UHRF1: variants seen among roughly 807,000 people sequenced by gnomAD.
The protein encoded by UHRF1 is E3 ubiquitin-protein ligase UHRF1.
UHRF1 carries 9 observed loss-of-function variants against 96.5 expected under a neutral mutation model. That is an observed-to-expected ratio of 0.09 (90% CI 0.06 to 0.16). UHRF1 has a LOEUF of 0.16. UHRF1 is among the 10% of genes least tolerant of loss of function. The pLI, the probability that UHRF1 is intolerant of heterozygous loss-of-function variation, is 1.00. For missense variants in UHRF1, 626 were observed against 1,131.1 expected (o/e 0.55, Z 6.40); for synonymous variants, 455 against 469.9 (o/e 0.97, Z 0.41).
At position 4,929,314 on chromosome 19, in the gene UHRF1, C is replaced by T. The variant is rs2032973044; in HGVS notation, c.246C>T (p.Ser82=). 2 of 1,613,856 alleles carry T rather than the reference C, an allele frequency of 1.2e-6. No homozygotes were observed. Among genetic ancestry groups the T allele is most frequent in the Non-Finnish European group, 8.5e-7 (1 of 1,179,904 alleles). The change falls in exon 3 of 17, where the codon AGC becomes AGT. Residue 82 remains serine (S), a synonymous_variant. Coordinates refer to ENST00000650932, the MANE Select transcript of UHRF1 (RefSeq NM_001048201.3). ...GCCAGAGCCTCGTGCTCCCCCACAGCACCAAGGAGCGGGACTCCGAGCTCT... is the reference window on the plus strand; with the variant it reads ...GCCAGAGCCTCGTGCTCCCCCACAGTACCAAGGAGCGGGACTCCGAGCTCT... ...LVRQSLVLPH[S]TKERDSELSD...
chr19:4,916,457 G>C (rs1429039290), intron 2 of UHRF1, among the ~76,000 whole-genome samples: 1 of 152,150 alleles, frequency 6.6e-6, no homozygotes, highest in Non-Finnish European at 1.5e-5. Context: ...ACCGCAAGAG[G>C]GAAAGTGGCA....
chr19:4,933,957 TTGTGTGTGTGTGTGCGTGTG>T (rs2033138685), intron 5 of UHRF1, among the ~76,000 whole-genome samples: 2 of 97,786 alleles, frequency 2.0e-5, no homozygotes, highest in Non-Finnish European at 4.3e-5. Context: ...CCTTGCCTCT[TTGTGTGTGTGTGTGCGTGTG>T]TGTGTGTGTG....
At chr19:4,904,332 CA>C (rs1402988150) in intron 1 of UHRF1, among the ~76,000 whole-genome samples, 2 of 152,160 alleles carry the variant, frequency 1.3e-5, no homozygotes, top group Non-Finnish European at 1.5e-5. Context: ...GCGTCCGCCA[CA>C]AATGCCTGGC....
At position 4,912,592 on chromosome 19, in the gene UHRF1, T is replaced by C. The variant is rs180962325; in HGVS notation, c.153+1554T>C. On this transcript the variant is annotated intron_variant, in intron 2 of 16. Coordinates refer to ENST00000650932, the MANE Select transcript of UHRF1 (RefSeq NM_001048201.3). ...ATTTCACCATCGGTATTCTGACTTATTAGGTTTATCTTGAAGCGCTCTGTC... is the reference window on the plus strand; with the variant it reads ...ATTTCACCATCGGTATTCTGACTTACTAGGTTTATCTTGAAGCGCTCTGTC... Among the ~76,000 whole-genome samples, 35 of 152,306 alleles carry C rather than the reference T, an allele frequency of 2.3e-4. 1 individual carries two copies. The highest frequency in any genetic ancestry group is 7.2e-4 in the African/African-American group (30 of 41,570).
intron 6 of UHRF1, 48 bp from the exon 7 acceptor site, chr19:4,941,697 T>A (rs1442258056): frequency 2.6e-6 from 4 of 1,565,504 alleles, no homozygotes; most frequent in Non-Finnish European, 3.5e-6. Flanking sequence ...GTCCCGTCTC[T>A]GGCTTGGCCG....
At chr19:4,935,052 C>T (rs2079718223) in intron 5 of UHRF1, among the ~76,000 whole-genome samples, 2 of 152,038 alleles carry the variant, frequency 1.3e-5, no homozygotes, top group Admixed American at 1.3e-4. Flanking sequence ...CTGCTTACTG[C>T]AACCTCCACC....
At chr19:4,907,452 A>G (rs2032087517), upstream of UHRF1, among the ~76,000 whole-genome samples, 1 of 151,878 alleles carries the variant, frequency 6.6e-6, no homozygotes, top group Admixed American at 6.6e-5. Context: ...TATTTTTAGT[A>G]GAGATGGGGT....
chr19:4,950,580 A>T, intron 11 of UHRF1, 31 bp from the exon 12 acceptor site: 1 of 1,602,962 alleles, frequency 6.2e-7, no homozygotes, highest in Non-Finnish European at 8.5e-7. Flanking sequence ...ATCCTCACCT[A>T]TAATGCGTGG....
At chr19:4,949,804 C>T (rs1244233997) in intron 11 of UHRF1, among the ~76,000 whole-genome samples, 2 of 152,116 alleles carry the variant, frequency 1.3e-5, no homozygotes, top group South Asian at 2.1e-4. Context: ...CATTGCATTC[C>T]AGCCTGGGTG....
chr19:4,942,432 C>T (rs1200197402), intron 7 of UHRF1, among the ~76,000 whole-genome samples: 3 of 151,770 alleles, frequency 2.0e-5, no homozygotes, highest in South Asian at 2.1e-4. Context: ...CCTCGTGATC[C>T]GTCCGTTTCG....
intron 2 of UHRF1, among the ~76,000 whole-genome samples, chr19:4,922,451 G>C (rs1159539930): frequency 6.6e-6 from 1 of 151,630 alleles, no homozygotes; most frequent in African/African-American, 2.4e-5. Flanking sequence ...GTTTTCAGTA[G>C]AGATGGGGTT....
chr19:4,946,669 G>T (rs942183284), intron 10 of UHRF1, among the ~76,000 whole-genome samples: 1 of 151,734 alleles, frequency 6.6e-6, no homozygotes, highest in Admixed American at 6.6e-5. Context: ...CTACCTCCTG[G>T]GCTCTAGTGA....
intron 2 of UHRF1, among the ~76,000 whole-genome samples, chr19:4,926,843 T>A (rs1469601274): frequency 6.6e-6 from 1 of 151,304 alleles, no homozygotes; most frequent in Non-Finnish European, 1.5e-5. Context: ...GGTGGGCGGA[T>A]CACGAGGTCA....
chr19:4,923,545 C>T (rs923088558), intron 2 of UHRF1, among the ~76,000 whole-genome samples: 9 of 151,174 alleles, frequency 6.0e-5, no homozygotes, highest in African/African-American at 1.2e-4. Flanking sequence ...GCCCCTCTCC[C>T]GCTGGCTGGA....
upstream of UHRF1, among the ~76,000 whole-genome samples, chr19:4,908,943 T>A (rs1341068913): frequency 2.0e-5 from 3 of 151,926 alleles, no homozygotes; most frequent in Non-Finnish European, 4.4e-5. Context: ...CCTGCCCGCC[T>A]GGACAGCCTG....
chr19:4,956,671 C>T, intron 15 of UHRF1, 38 bp from the exon 16 acceptor site: 2 of 1,365,102 alleles, frequency 1.5e-6, no homozygotes, highest in Non-Finnish European at 2.1e-6. Flanking sequence ...AGCCCTGGTC[C>T]CGGTGTCTTT....
chr19:4,940,034 A>C (rs111691367), intron 5 of UHRF1, among the ~76,000 whole-genome samples: 5 of 152,004 alleles, frequency 3.3e-5, no homozygotes, highest in Admixed American at 1.3e-4. Context: ...AAAAAAAAAA[A>C]AAAACACATG....
At chr19:4,935,838 G>C (rs1212343922) in intron 5 of UHRF1, among the ~76,000 whole-genome samples, 2 of 152,100 alleles carry the variant, frequency 1.3e-5, no homozygotes, top group Non-Finnish European at 2.9e-5. Context: ...TGGGGGTTGT[G>C]GGGCCACCTT....
At chr19:4,915,828 C>T (rs2032477420) in intron 2 of UHRF1, among the ~76,000 whole-genome samples, 1 of 152,210 alleles carries the variant, frequency 6.6e-6, no homozygotes, top group African/African-American at 2.4e-5. Flanking sequence ...GTTGGTGTGT[C>T]TGGGTTTTCT....
Sources: gnomAD v4.1 joint callset for allele counts (sites outside exome capture counted in the v4.1 genomes callset) on GRCh38, gnomAD v4.1.1 for gene constraint, MANE v1.5 for transcripts, NCBI Gene and HGNC (gene_info 2026-07-23, HGNC 2026-07-21) for gene names.